Variants in FRAS1 observed in about 807,000 individuals in gnomAD.
FRAS1 encodes Fraser extracellular matrix complex subunit 1, also known as extracellular matrix organizing protein FRAS1.
Under a neutral mutation model 435.2 loss-of-function variants are expected in FRAS1, and 290 were observed. The observed-to-expected ratio is 0.67, with a 90% CI of 0.61 to 0.73. The LOEUF is 0.73. Among genes scored for constraint, FRAS1 ranks in the 30% least tolerant of loss-of-function variants. The pLI is 0.00. For missense variants in FRAS1, 4,860 were observed against 5,001.5 expected (o/e 0.97, Z 0.85); for synonymous variants, 1,800 against 1,851.0 (o/e 0.97, Z 0.71).
chr4:78,437,706 T>C lies in FRAS1; in HGVS notation c.5218-864T>C, dbSNP rs1254413554. On this transcript the variant is annotated intron_variant, in intron 38 of 73. Transcript: ENST00000512123. ...TTGCTTTTGAAAGTACAAGTGACCA[T>C]GCAACATTAATTTTCATTGTTGCTG... Among the ~76,000 whole-genome samples, 6 of 152,208 alleles carry C rather than the reference T, an allele frequency of 3.9e-5. No individual in the cohort carries two copies. The South Asian group carries it at 8.3e-4, about 21-fold the overall frequency.
chr4:78,234,476 CG>C (rs1162705665), intron 2 of FRAS1, among the ~76,000 whole-genome samples: 1 of 152,154 alleles, frequency 6.6e-6, no homozygotes, highest in African/African-American at 2.4e-5. Flanking sequence ...CCACCCGCCT[CG>C]GCCCCCGAAA....
chr4:78,298,485 T>C (rs7674794), intron 14 of FRAS1, among the ~76,000 whole-genome samples: 2,068 of 152,242 alleles, frequency 0.014, 51 homozygotes, highest in African/African-American at 0.047. Context: ...ATAAAAATTC[T>C]TTCTGCTGTT....
intron 32 of FRAS1, among the ~76,000 whole-genome samples, chr4:78,416,064 T>A (rs917130053): frequency 2.6e-5 from 4 of 152,126 alleles, no homozygotes; most frequent in African/African-American, 9.7e-5. Flanking sequence ...AAAGAAAATG[T>A]GATACAGACG....
intron 18 of FRAS1, among the ~76,000 whole-genome samples, chr4:78,326,021 G>C (rs753523287): frequency 2.7e-4 from 41 of 152,188 alleles, no homozygotes; most frequent in Non-Finnish European, 5.7e-4. Context: ...GAGATGCAGG[G>C]TGTGTGTGGG....
At chr4:78,512,246 G>C (rs1184164291) in intron 64 of FRAS1, among the ~76,000 whole-genome samples, 1 of 152,156 alleles carries the variant, frequency 6.6e-6, no homozygotes, top group African/African-American at 2.4e-5. Flanking sequence ...ATTTAAGTGT[G>C]TGCCTTTATG....
At chr4:78,445,421 T>A in intron 41 of FRAS1, 101 bp from the exon 42 acceptor site, 2 of 1,403,416 alleles carry the variant, frequency 1.4e-6, no homozygotes, top group South Asian at 1.9e-5. Context: ...TCAAATACAT[T>A]TTCTTTTTTT....
intron 2 of FRAS1, among the ~76,000 whole-genome samples, chr4:78,093,127 C>T (rs755068410): frequency 3.3e-5 from 5 of 152,218 alleles, no homozygotes; most frequent in East Asian, 1.9e-4. Flanking sequence ...CAAGTCTGTG[C>T]TCACATTCCT....
intron 10 of FRAS1, among the ~76,000 whole-genome samples, chr4:78,279,005 G>C (rs749786460): frequency 2.0e-5 from 3 of 152,152 alleles, no homozygotes; most frequent in Non-Finnish European, 2.9e-5. Context: ...ATCAGGTGCT[G>C]AGGAGCACTA....
intron 59 of FRAS1, among the ~76,000 whole-genome samples, chr4:78,493,751 C>G: frequency 6.6e-6 from 1 of 151,996 alleles, no homozygotes; most frequent in Middle Eastern, 3.2e-3. Context: ...CACATGTATA[C>G]CTATGTGACA....
intron 22 of FRAS1, among the ~76,000 whole-genome samples, chr4:78,364,344 A>T (rs970574371): frequency 2.6e-5 from 4 of 152,218 alleles, no homozygotes; most frequent in African/African-American, 9.6e-5. Flanking sequence ...CTCATTTAAA[A>T]AATAAAAGTG....
At position 78,325,795 on chromosome 4, in the gene FRAS1, C is replaced by T. The variant is rs539800644; in HGVS notation, c.2137+6809C>T. ...ATAGCACAAAGTAGACGGGCTCTGT[C>T]TAGGAGGGAAGGTAGTGAGGAAAGA... On this transcript the variant is annotated intron_variant, in intron 18 of 73. Transcript: ENST00000512123. Among the ~76,000 whole-genome samples, 3 of 152,254 alleles carry T rather than the reference C, an allele frequency of 2.0e-5. No individual in the cohort carries two copies. In the East Asian group the frequency reaches 5.8e-4, roughly 29 times the overall value.
At chr4:78,354,731 A>G (rs1467401264) in intron 20 of FRAS1, among the ~76,000 whole-genome samples, 1 of 152,212 alleles carries the variant, frequency 6.6e-6, no homozygotes, top group Non-Finnish European at 1.5e-5. Context: ...GACATTATTA[A>G]AAATCTCACT....
chr4:78,140,076 T>C (rs113275746), intron 2 of FRAS1, among the ~76,000 whole-genome samples: 90 of 152,318 alleles, frequency 5.9e-4, no homozygotes, highest in African/African-American at 2.1e-3. Context: ...TGAACCCCCA[T>C]GAATTATCAC....
At chr4:78,263,334 T>G (rs1726203792) in intron 6 of FRAS1, among the ~76,000 whole-genome samples, 1 of 152,220 alleles carries the variant, frequency 6.6e-6, no homozygotes, top group East Asian at 1.9e-4. Flanking sequence ...AGAAAGATTC[T>G]GTTTTGATCA....
intron 2 of FRAS1, among the ~76,000 whole-genome samples, chr4:78,216,469 A>C (rs1380008249): frequency 1.3e-5 from 2 of 152,220 alleles, no homozygotes; most frequent in African/African-American, 2.4e-5. Flanking sequence ...TGATTTCATG[A>C]ATGAGCCAAC....
At chr4:78,139,246 G>A (rs1413127535) in intron 2 of FRAS1, among the ~76,000 whole-genome samples, 1 of 152,160 alleles carries the variant, frequency 6.6e-6, no homozygotes, top group Non-Finnish European at 1.5e-5. Flanking sequence ...AGGACCTTGG[G>A]ATGTGACAGT....
intron 5 of FRAS1, among the ~76,000 whole-genome samples, chr4:78,253,826 G>A (rs1725662632): frequency 6.6e-6 from 1 of 152,150 alleles, no homozygotes; most frequent in African/African-American, 2.4e-5. Flanking sequence ...GATTCCATAA[G>A]GCTAAGGTGG....
At chr4:78,146,301 G>A (rs896474081) in intron 2 of FRAS1, among the ~76,000 whole-genome samples, 2 of 152,038 alleles carry the variant, frequency 1.3e-5, no homozygotes, top group Non-Finnish European at 2.9e-5. Context: ...CTTCCACATT[G>A]CAAAATAACA....
At chr4:78,235,648 G>A (rs1447268740) in intron 2 of FRAS1, among the ~76,000 whole-genome samples, 1 of 152,202 alleles carries the variant, frequency 6.6e-6, no homozygotes, top group Admixed American at 6.5e-5. Context: ...ATATAAATGA[G>A]TGCAATAAAG....
Sources: allele counts gnomAD v4.1 joint callset (sites outside exome capture counted in the v4.1 genomes callset), GRCh38; gene constraint gnomAD v4.1.1; transcripts MANE v1.5; gene names NCBI Gene and HGNC (gene_info 2026-07-23, HGNC 2026-07-21).